JHY: variants seen among roughly 807,000 people sequenced by gnomAD.
JHY encodes junctional cadherin complex regulator.
JHY carries 69 observed loss-of-function variants against 78.0 expected under a neutral mutation model. The ratio of observed to expected loss-of-function variants is 0.88; its 90% CI spans 0.73 to 1.08. The LOEUF (loss-of-function observed/expected upper bound fraction) is 1.08, where lower values mean the gene tolerates loss of function less well. JHY is among the 50% of genes least tolerant of loss of function. The pLI, the probability that JHY is intolerant of heterozygous loss-of-function variation, is 0.00. For missense variants in JHY, 944 were observed against 927.8 expected (o/e 1.02, Z -0.23); for synonymous variants, 368 against 342.6 (o/e 1.07, Z -0.82).
intron 4 of JHY, among the ~76,000 whole-genome samples, chr11:122,929,018 T>C (rs10892926): frequency 0.23 from 35,269 of 151,604 alleles, 4,622 homozygotes; most frequent in Middle Eastern, 0.3. Flanking sequence ...AATCTCGGCT[T>C]ACCACAACCT....
chr11:122,905,216 C>A, intron 3 of JHY: 7 of 1,614,010 alleles, frequency 4.3e-6, no homozygotes, highest in Non-Finnish European at 5.9e-6. Context: ...GATTCAAAAC[C>A]TTTTGGAGCC....
At chr11:122,893,089 G>A (rs1268046739) in intron 2 of JHY, among the ~76,000 whole-genome samples, 1 of 151,988 alleles carries the variant, frequency 6.6e-6, no homozygotes, top group Non-Finnish European at 1.5e-5. Context: ...CCATTGTTTT[G>A]CCAACCTCTT....
intron 3 of JHY, 89 bp from the exon 4 acceptor site, chr11:122,924,808 C>T (rs1213975238): frequency 3.1e-6 from 3 of 954,266 alleles, no homozygotes; most frequent in Non-Finnish European, 3.2e-6. Flanking sequence ...CCCAGCAGGA[C>T]CGTTTTCTAG....
Position 122,954,405 on chromosome 11 carries a change from G to A in JHY, c.1930-2091G>A, listed in dbSNP as rs539809181. ...GGAAGTGGCAGTGGAGAAGTGAATT[G>A]GGATGACTCTGGGTACTCAGTAGAC... On this transcript the variant is annotated intron_variant, in intron 6 of 8. Transcript: ENST00000227349. Among the ~76,000 whole-genome samples, 6 of 152,302 alleles carry A rather than the reference G, an allele frequency of 3.9e-5. No individual in the cohort carries two copies. The East Asian group carries it at 1.2e-3, about 29-fold the overall frequency.
chr11:122,887,448 G>A (rs1212335496), intron 2 of JHY, among the ~76,000 whole-genome samples: 4 of 151,978 alleles, frequency 2.6e-5, no homozygotes, highest in Admixed American at 2.0e-4. Flanking sequence ...TCAGCCTCCC[G>A]AGTAGCTGGG....
chr11:122,940,325 G>C (rs1300996752), intron 5 of JHY, among the ~76,000 whole-genome samples: 1 of 152,048 alleles, frequency 6.6e-6, no homozygotes, highest in African/African-American at 2.4e-5. Context: ...GCAACAGAGT[G>C]AGGTTCTGTC....
intron 6 of JHY, among the ~76,000 whole-genome samples, chr11:122,948,083 C>T (rs1864003982): frequency 6.6e-6 from 1 of 152,074 alleles, no homozygotes; most frequent in African/African-American, 2.4e-5. Context: ...TACAGAAGGG[C>T]CTCCGCGCTA....
intron 2 of JHY, among the ~76,000 whole-genome samples, chr11:122,901,765 C>T (rs1250937830): frequency 1.3e-5 from 2 of 150,836 alleles, no homozygotes; most frequent in Admixed American, 6.6e-5. Flanking sequence ...CCCAGCTACT[C>T]GGGAGGCTGA....
rs920290984 is a variant in JHY, at chr11:122,961,457, C to A, written c.*2012C>A. 6.6e-6 allele frequency among the ~76,000 whole-genome samples: 1 copy of A among 152,124 alleles called. No homozygotes were observed. The highest frequency in any genetic ancestry group is 6.6e-5 in the Admixed American group (1 of 15,240). ...TCTCCTGTCTCAGCCTCCCTTCAAG[C>A]AATTCTCCTGTCTCAGCCTCCCGAG... is the stretch of plus-strand genomic sequence containing the variant. On this transcript the variant is annotated 3_prime_UTR_variant, in exon 9 of 9. Coordinates refer to ENST00000227349, the MANE Select transcript of JHY (RefSeq NM_024806.4).
intron 6 of JHY, among the ~76,000 whole-genome samples, chr11:122,948,474 AATAATG>A (rs1864014063): frequency 1.6e-5 from 2 of 126,044 alleles, no homozygotes; most frequent in Admixed American, 7.7e-5. Flanking sequence ...TAATAATAAT[AATAATG>A]ATTTCTACTA....
chr11:122,952,182 G>A (rs1303101414), intron 6 of JHY, among the ~76,000 whole-genome samples: 1 of 151,994 alleles, frequency 6.6e-6, no homozygotes, highest in Non-Finnish European at 1.5e-5. Flanking sequence ...ATGGGGACAG[G>A]ATTTCTTTTC....
Position 122,898,575 on chromosome 11 carries a change from A to G in JHY, c.345-5350A>G, listed in dbSNP as rs1862783975. On this transcript the variant is annotated intron_variant, in intron 2 of 8. Coordinates refer to ENST00000227349, the MANE Select transcript of JHY (RefSeq NM_024806.4). This position sits in a 1 kb window ranked among gnomAD's most constrained non-coding sequence, Gnocchi z 4.4. ...TTCCACATCCCACTCCTGAGTGAGTAGCAGAACAGTGATCCCCAGTGTTGT... is the reference window on the plus strand; with the variant it reads ...TTCCACATCCCACTCCTGAGTGAGTGGCAGAACAGTGATCCCCAGTGTTGT... 6.6e-6 allele frequency among the ~76,000 whole-genome samples: 1 copy of G among 152,194 alleles called. No individual in the cohort carries two copies. Among genetic ancestry groups the G allele is most frequent in the South Asian group, 2.1e-4 (1 of 4,832 alleles).
At chr11:122,903,843 T>G (rs1447733825) in intron 2 of JHY, 82 bp from the exon 3 acceptor site, 1 of 1,478,350 alleles carries the variant, frequency 6.8e-7, no homozygotes, top group Non-Finnish European at 9.1e-7. Flanking sequence ...CTGAGATTGA[T>G]TTCAAATAAA....
chr11:122,889,149 C>T (rs7939245), intron 2 of JHY, among the ~76,000 whole-genome samples: 17,019 of 152,100 alleles, frequency 0.11, 1,053 homozygotes, highest in African/African-American at 0.13. Context: ...TTATAAAATC[C>T]TGTCCTATTA....
At chr11:122,908,702 T>G (rs1369188327) in intron 3 of JHY, among the ~76,000 whole-genome samples, 2 of 152,104 alleles carry the variant, frequency 1.3e-5, no homozygotes, top group Non-Finnish European at 1.5e-5. Flanking sequence ...GTTTGTTTTG[T>G]TTTGGTTTTT....
chr11:122,929,009 A>G (rs1270027511), intron 4 of JHY, among the ~76,000 whole-genome samples: 1 of 151,366 alleles, frequency 6.6e-6, no homozygotes, highest in East Asian at 1.9e-4. Flanking sequence ...CAATGGCACA[A>G]TCTCGGCTTA....
chr11:122,912,172 A>G (rs1434755844), intron 3 of JHY, among the ~76,000 whole-genome samples: 3 of 151,190 alleles, frequency 2.0e-5, no homozygotes, highest in Non-Finnish European at 4.4e-5. Context: ...CTGTAATCCC[A>G]CCTACTCAAG....
intron 5 of JHY, among the ~76,000 whole-genome samples, chr11:122,938,018 T>G (rs1466709308): frequency 6.8e-6 from 1 of 146,532 alleles, no homozygotes; most frequent in South Asian, 2.2e-4. Context: ...CTGTTTTTTT[T>G]GTTGTTGTTT....
intron 3 of JHY, chr11:122,905,265 C>T (rs1463162206): frequency 6.2e-7 from 1 of 1,613,660 alleles, no homozygotes. Flanking sequence ...ACATAAAGAC[C>T]TTCCTGCCCA....
Sources: gnomAD v4.1 joint callset for allele counts (sites outside exome capture counted in the v4.1 genomes callset) on GRCh38, gnomAD v4.1.1 for gene constraint, Gnocchi (gnomAD v3.1) non-coding constraint, MANE v1.5 for transcripts, NCBI Gene and HGNC (gene_info 2026-07-23, HGNC 2026-07-21) for gene names.